RFPL1: variants seen among roughly 807,000 people sequenced by gnomAD.
RFPL1 encodes the protein ret finger protein-like 1.
In RFPL1, 6 loss-of-function variants were observed where a neutral mutation model predicts 9.6. The ratio of observed to expected loss-of-function variants is 0.62; its 90% confidence interval spans 0.34 to 1.23. The LOEUF is 1.23. Among genes scored for constraint, RFPL1 ranks in the 50% most tolerant of loss-of-function variants. RFPL1 has a pLI of 0.03. For synonymous variants in RFPL1, 145 were observed against 149.4 expected, an observed-to-expected ratio of 0.97 and a Z score of 0.22; for missense variants, 352 against 398.4, an observed-to-expected ratio of 0.88 and a Z score of 0.99.
At chr22:29,442,086 T>G (rs1275063968) in exon 2 of RFPL1, 1 of 1,594,302 alleles carries the variant, frequency 6.3e-7, no homozygotes, top group Non-Finnish European at 8.6e-7. Flanking sequence ...ACCCGGGCAC[T>G]ACTGATGCTC....
At chr22:29,409,702 A>T in the RFPL1 span, among the ~76,000 whole-genome samples, 1 of 152,208 alleles carries the variant, frequency 6.6e-6, no homozygotes, top group South Asian at 2.1e-4. Flanking sequence ...CTTATTAATG[A>T]AATGAAGATA....
chr22:29,404,319 A>G, the RFPL1 span, among the ~76,000 whole-genome samples: 1 of 152,286 alleles, frequency 6.6e-6, no homozygotes. Context: ...TTATTTTGCT[A>G]TGGGTTTTCC....
At chr22:29,420,626 GTTTTTTGCTT>G in the RFPL1 span, among the ~76,000 whole-genome samples, 2 of 82,586 alleles carry the variant, frequency 2.4e-5, no homozygotes, top group East Asian at 4.0e-4. Context: ...ACTGCAGATG[GTTTTTTGCTT>G]TTTTTTTTTT....
At chr22:29,390,944 A>G in the RFPL1 span, among the ~76,000 whole-genome samples, 2 of 151,100 alleles carry the variant, frequency 1.3e-5, no homozygotes, top group Admixed American at 1.3e-4. Flanking sequence ...CAGGGAGGCC[A>G]TCCTGGCTAA....
chr22:29,394,544 G>A, the RFPL1 span, among the ~76,000 whole-genome samples: 1 of 152,030 alleles, frequency 6.6e-6, no homozygotes, highest in Non-Finnish European at 1.5e-5. Flanking sequence ...GTTTCACCAT[G>A]TTGGCTAGGC....
chr22:29,430,661 A>G, the RFPL1 span, among the ~76,000 whole-genome samples: 1 of 152,158 alleles, frequency 6.6e-6, no homozygotes, highest in Non-Finnish European at 1.5e-5. Context: ...AAATGGTCAC[A>G]TGAGTGTGAT....
chr22:29,391,037 G>A, the RFPL1 span, among the ~76,000 whole-genome samples: 1 of 151,830 alleles, frequency 6.6e-6, no homozygotes, highest in Non-Finnish European at 1.5e-5. Context: ...AGCTACTCAG[G>A]AGGCTGAGGC....
the RFPL1 span, among the ~76,000 whole-genome samples, chr22:29,410,548 G>T: frequency 1.1e-3 from 101 of 90,346 alleles, 2 homozygotes; most frequent in African/African-American, 3.5e-3. Flanking sequence ...TATATATAGA[G>T]ATATATATTG....
At chr22:29,430,846 C>G in the RFPL1 span, among the ~76,000 whole-genome samples, 1 of 152,110 alleles carries the variant, frequency 6.6e-6, no homozygotes, top group South Asian at 2.1e-4. Context: ...TTTTCCTAAG[C>G]AGATAGCTAC....
chr22:29,388,705 C>G, the RFPL1 span: 4 of 152,340 alleles, frequency 2.6e-5, no homozygotes, highest in African/African-American at 9.6e-5. Context: ...TCGGCAGCCG[C>G]GGCGCTGCTA....
chr22:29,408,440 A>C, the RFPL1 span, among the ~76,000 whole-genome samples: 1 of 152,148 alleles, frequency 6.6e-6, no homozygotes, highest in African/African-American at 2.4e-5. Flanking sequence ...CATATCCCCC[A>C]AGGCTCCTTG....
chr22:29,424,021 A>G, the RFPL1 span, among the ~76,000 whole-genome samples: 1 of 152,148 alleles, frequency 6.6e-6, no homozygotes, highest in Non-Finnish European at 1.5e-5. Context: ...TCTACTAAAA[A>G]TACAAAAAAT....
At chr22:29,410,216 TATATATATATATAG>T in the RFPL1 span, among the ~76,000 whole-genome samples, 1 of 137,016 alleles carries the variant, frequency 7.3e-6, no homozygotes, top group Non-Finnish European at 1.5e-5. Flanking sequence ...TAAGTATATC[TATATATATATATAG>T]ATATATATAT....
the RFPL1 span, among the ~76,000 whole-genome samples, chr22:29,389,840 C>T: frequency 1.3e-5 from 2 of 151,538 alleles, no homozygotes; most frequent in African/African-American, 4.9e-5. Flanking sequence ...GCTCTGTTGC[C>T]CGGACTGGAG....
chr22:29,417,299 A>G, the RFPL1 span, among the ~76,000 whole-genome samples: 1 of 151,898 alleles, frequency 6.6e-6, no homozygotes, highest in Non-Finnish European at 1.5e-5. Flanking sequence ...CCTGGAAGGA[A>G]TCTGACTTGG....
the RFPL1 span, among the ~76,000 whole-genome samples, chr22:29,416,470 T>A: frequency 1.8e-4 from 27 of 152,306 alleles, no homozygotes; most frequent in African/African-American, 5.8e-4. Flanking sequence ...AAGATGCAAC[T>A]GAAACTCACT....
the RFPL1 span, among the ~76,000 whole-genome samples, chr22:29,429,426 A>C: frequency 1.3e-5 from 2 of 152,216 alleles, no homozygotes; most frequent in African/African-American, 4.8e-5. Flanking sequence ...AAAAAGAAGA[A>C]GAAGAAGAAG....
At chr22:29,390,311 G>C in the RFPL1 span, among the ~76,000 whole-genome samples, 10 of 152,136 alleles carry the variant, frequency 6.6e-5, 1 homozygote, top group South Asian at 2.1e-3. Context: ...TTATTGCTAA[G>C]TCTCTACGTC....
the RFPL1 span, among the ~76,000 whole-genome samples, chr22:29,426,579 C>T: frequency 2.0e-5 from 3 of 152,018 alleles, no homozygotes; most frequent in East Asian, 1.9e-4. Context: ...TGGTGAAACA[C>T]TCTCTCTCCT....
Sources: allele counts gnomAD v4.1 joint callset (sites outside exome capture counted in the v4.1 genomes callset), GRCh38; gene constraint gnomAD v4.1.1; transcripts MANE v1.5; gene names NCBI Gene and HGNC (gene_info 2026-07-23, HGNC 2026-07-21).